The following SLC12A8 variants were observed in gnomAD, a reference collection of about 807,000 sequenced individuals.
SLC12A8 encodes the protein solute carrier family 12 member 8.
In SLC12A8, 69 loss-of-function variants were observed where a neutral mutation model predicts 75.6. The ratio of observed to expected loss-of-function variants is 0.91; its 90% CI spans 0.75 to 1.11. The LOEUF is 1.11. SLC12A8 is among the 50% of genes most tolerant of loss of function. The pLI, the probability that SLC12A8 is intolerant of heterozygous loss-of-function variation, is 0.00. For missense variants in SLC12A8, 877 were observed against 896.7 expected, an observed-to-expected ratio of 0.98 and a Z score of 0.28; for synonymous variants, 365 against 372.8, an observed-to-expected ratio of 0.98 and a Z score of 0.24.
intron 10 of SLC12A8, among the ~76,000 whole-genome samples, chr3:125,103,180 A>T (rs1218104385): frequency 2.6e-5 from 4 of 152,088 alleles, no homozygotes; most frequent in African/African-American, 9.7e-5. Flanking sequence ...TTAAATGAAC[A>T]TCTATACCCT....
At chr3:125,110,645 G>A (rs1021305395) in intron 8 of SLC12A8, 3 of 218,132 alleles carry the variant, frequency 1.4e-5, no homozygotes, top group East Asian at 1.9e-4. Flanking sequence ...TAGGCTTGGG[G>A]TGGGGCCTAG....
At chr3:125,159,407 A>T (rs1934115665) in intron 5 of SLC12A8, among the ~76,000 whole-genome samples, 1 of 152,048 alleles carries the variant, frequency 6.6e-6, no homozygotes, top group Admixed American at 6.6e-5. Flanking sequence ...AGAGATTTTT[A>T]AAAGGATATA....
chr3:125,118,736 C>A (rs1441536290), intron 8 of SLC12A8, 33 bp downstream of exon 8: 3 of 1,536,466 alleles, frequency 2.0e-6, no homozygotes, highest in African/African-American at 1.4e-5. Flanking sequence ...CTCCGGCAGA[C>A]TGAGCCCTTG....
intron 10 of SLC12A8, among the ~76,000 whole-genome samples, chr3:125,106,484 A>G (rs1939028368): frequency 6.6e-6 from 1 of 151,832 alleles, no homozygotes; most frequent in Non-Finnish European, 1.5e-5. Flanking sequence ...TGCCACTGCA[A>G]CCTCCGCCTC....
intron 2 of SLC12A8, among the ~76,000 whole-genome samples, chr3:125,208,242 T>G (rs185267103): frequency 6.6e-6 from 1 of 152,216 alleles, no homozygotes; most frequent in Admixed American, 6.5e-5. Flanking sequence ...GCACACATCA[T>G]CCTCAATAGA....
intron 5 of SLC12A8, among the ~76,000 whole-genome samples, chr3:125,166,929 G>A (rs1421184040): frequency 6.6e-6 from 1 of 152,128 alleles, no homozygotes; most frequent in Non-Finnish European, 1.5e-5. Flanking sequence ...AAAAACACAT[G>A]GGGAGGATGA....
chr3:125,174,751 T>C (rs1291210373), intron 5 of SLC12A8, among the ~76,000 whole-genome samples: 2 of 152,214 alleles, frequency 1.3e-5, no homozygotes, highest in Non-Finnish European at 2.9e-5. Flanking sequence ...GTTCCAACTA[T>C]ACAGCATTCT....
At chr3:125,164,723 G>T (rs1437400212) in intron 5 of SLC12A8, among the ~76,000 whole-genome samples, 4 of 152,244 alleles carry the variant, frequency 2.6e-5, no homozygotes, top group Non-Finnish European at 5.9e-5. Context: ...CATCTCTGCA[G>T]ATAACAGAGC....
intron 5 of SLC12A8, among the ~76,000 whole-genome samples, chr3:125,146,585 C>T (rs996588626): frequency 6.6e-5 from 10 of 152,170 alleles, no homozygotes; most frequent in Admixed American, 3.3e-4. Flanking sequence ...TCCTCCCTGC[C>T]GTACAGATGT....
chr3:125,210,259 T>C (rs1233284933), intron 2 of SLC12A8, among the ~76,000 whole-genome samples: 1 of 152,224 alleles, frequency 6.6e-6, no homozygotes, highest in African/African-American at 2.4e-5. Flanking sequence ...AAGGTTTCAG[T>C]GACAAATTGT....
chr3:125,199,488 T>C (rs1438916157), intron 2 of SLC12A8, among the ~76,000 whole-genome samples: 1 of 152,086 alleles, frequency 6.6e-6, no homozygotes, highest in African/African-American at 2.4e-5. Context: ...ATGCCTGTAA[T>C]TCCAACACTT....
At chr3:125,199,524 T>G (rs1390559380) in intron 2 of SLC12A8, among the ~76,000 whole-genome samples, 1 of 151,936 alleles carries the variant, frequency 6.6e-6, no homozygotes, top group East Asian at 1.9e-4. Flanking sequence ...GGAGGGCCAC[T>G]TGAAGCCAGG....
In SLC12A8 at chr3:125,177,791, C is replaced by G. The variant is rs565606261; in HGVS notation, c.574G>C (p.Val192Leu). ...CCCACCACAAAGTCCAGTGTGGACA[C>G]GGCCAGCAGGAACAGCAACAGCAGC... ...LQLLLLFLLA[V>L]STLDFVVGSF... Residue 192 changes from valine to leucine, a missense_variant, in exon 5 of 14, where the codon GTG becomes CTG. Val to Leu is a conservative substitution (Grantham distance 32, BLOSUM62 1). Transcript: ENST00000469902. 1.2e-6 allele frequency: 2 copies of G among 1,614,044 alleles called. No individual in the cohort carries two copies. The highest frequency in any genetic ancestry group is 1.7e-6 in the Non-Finnish European group (2 of 1,180,032).
In SLC12A8 at chr3:125,190,248, TTC is replaced by T. The variant is rs550046001; in HGVS notation, c.198+125_198+126del. 150 of 1,039,182 alleles carry T rather than the reference TTC, an allele frequency of 1.4e-4. 1 individual carries two copies. The African/African-American group carries it at 2.3e-3, about 16-fold the overall frequency. The allele number at this position is 1,039,182 out of a possible 1,614,324, so 64.4% of individuals were successfully genotyped here. ...AATGCTAGCTATTCATCGTGCTTGCTTCTGTTTCGTGTTTCAGGAGCATCTGT... is the reference window on the plus strand; with the variant it reads ...AATGCTAGCTATTCATCGTGCTTGCTTGTTTCGTGTTTCAGGAGCATCTGT... On this transcript the variant is annotated intron_variant, in intron 3 of 13. Coordinates refer to ENST00000469902, the MANE Select transcript of SLC12A8 (RefSeq NM_024628.6).
At chr3:125,188,413 C>T (rs145131789) in intron 3 of SLC12A8, among the ~76,000 whole-genome samples, 39 of 152,262 alleles carry the variant, frequency 2.6e-4, no homozygotes, top group South Asian at 8.3e-4. Flanking sequence ...TGGACTAATA[C>T]GGAGCAGGAT....
At chr3:125,135,639 G>A in intron 6 of SLC12A8, 30 bp downstream of exon 6, 1 of 1,452,890 alleles carries the variant, frequency 6.9e-7, no homozygotes, top group Non-Finnish European at 9.4e-7. Context: ...CCCCTAATTT[G>A]AGAGTAAAAA....
intron 12 of SLC12A8, 53 bp from the exon 13 acceptor site, chr3:125,088,423 T>C (rs1470512271): frequency 3.2e-6 from 5 of 1,546,644 alleles, no homozygotes; most frequent in Middle Eastern, 1.7e-4. Flanking sequence ...ATAAGGCATC[T>C]AGAAGCTCAG....
At position 125,107,656 on chromosome 3, in the gene SLC12A8, T is replaced by C; in HGVS notation, c.1530A>G (p.Lys510=). The change falls in exon 10 of 14, where the codon AAA becomes AAG. Residue 510 remains lysine (K), a synonymous_variant. Coordinates refer to ENST00000469902, the MANE Select transcript of SLC12A8 (RefSeq NM_024628.6). ...TLQDSFLLDL[K]SPPSFPVEIS... ...TCTCGACAGGGAAAGAAGGAGGGGA[T>C]TTGAGGTCCAAGAGGAAGCTATCTT... is the stretch of plus-strand genomic sequence containing the variant. 6.2e-7 allele frequency: 1 copy of C among 1,614,088 alleles called. No individual in the cohort carries two copies. The highest frequency in any genetic ancestry group is 1.3e-5 in the African/African-American group (1 of 75,018).
intron 5 of SLC12A8, among the ~76,000 whole-genome samples, chr3:125,155,323 T>C (rs2107774238): frequency 6.6e-6 from 1 of 152,256 alleles, no homozygotes; most frequent in African/African-American, 2.4e-5. Context: ...TCCACCTTAC[T>C]TTCTTCTCTG....
Sources: allele counts gnomAD v4.1 joint callset (sites outside exome capture counted in the v4.1 genomes callset), GRCh38; gene constraint gnomAD v4.1.1; transcripts MANE v1.5; gene names NCBI Gene and HGNC (gene_info 2026-07-23, HGNC 2026-07-21).